TMEM276: variants seen among roughly 807,000 people sequenced by gnomAD.
TMEM276 encodes the protein transmembrane protein 276.
At chr8:144,466,287 C>G in the TMEM276 span, 1 of 227,492 alleles carries the variant, frequency 4.4e-6, no homozygotes. Flanking sequence ...CGCTCGCCTT[C>G]CAGCCGTGGG....
At chr8:144,464,057 C>A in the TMEM276 span, 10 of 1,553,258 alleles carry the variant, frequency 6.4e-6, no homozygotes. Flanking sequence ...AGGGAGAAGG[C>A]GCCAGGAGCA....
chr8:144,464,328 G>T, the TMEM276 span: 1 of 1,612,542 alleles, frequency 6.2e-7, no homozygotes, highest in Non-Finnish European at 8.5e-7. Flanking sequence ...CAATGAGGAT[G>T]GTCACTGCGA....
the TMEM276 span, chr8:144,464,145 C>T: frequency 5.6e-6 from 9 of 1,610,968 alleles, no homozygotes; most frequent in Non-Finnish European, 7.6e-6. Context: ...ACTGGAGGCG[C>T]TGTGTATGCA....
the TMEM276 span, chr8:144,465,219 A>G: frequency 8.3e-6 from 10 of 1,209,140 alleles, no homozygotes; most frequent in Non-Finnish European, 1.1e-5. Flanking sequence ...TGGGGAAGAG[A>G]GAGCGGCGAG....
the TMEM276 span, chr8:144,466,607 C>T: frequency 4.6e-6 from 4 of 861,886 alleles, no homozygotes; most frequent in South Asian, 9.2e-5. Context: ...GGGCACGGGG[C>T]GCGGGGCGAC....
chr8:144,465,238 G>A, the TMEM276 span: 3 of 1,152,922 alleles, frequency 2.6e-6, no homozygotes, highest in Admixed American at 6.9e-5. Context: ...AGGCGCTGCA[G>A]GCCCACGCGG....
At chr8:144,466,621 G>A in the TMEM276 span, 1 of 862,902 alleles carries the variant, frequency 1.2e-6, no homozygotes, top group Non-Finnish European at 1.6e-6. Flanking sequence ...GGGCGACGGG[G>A]CCGTGCCGAG....
At chr8:144,463,933 T>C in the TMEM276 span, 35 of 1,451,928 alleles carry the variant, frequency 2.4e-5, no homozygotes, top group Non-Finnish European at 3.1e-5. Flanking sequence ...CCCTGTCCCT[T>C]TCATTCTGGT....
chr8:144,464,982 G>C, the TMEM276 span: 2 of 1,563,128 alleles, frequency 1.3e-6, no homozygotes, highest in Admixed American at 1.9e-5. Context: ...AGAAGCCAGC[G>C]ACCTGGAGCC....
chr8:144,464,544 C>T, the TMEM276 span: 1 of 1,612,048 alleles, frequency 6.2e-7, no homozygotes, highest in Non-Finnish European at 8.5e-7. Flanking sequence ...GTGTGCTCAG[C>T]CCTGGGGCCA....
At chr8:144,466,921 G>C in the TMEM276 span, 3,271 of 1,573,730 alleles carry the variant, frequency 2.1e-3, 118 homozygotes, top group Admixed American at 0.051. Flanking sequence ...TCAAGCACGT[G>C]ACCCGAAATG....
the TMEM276 span, chr8:144,464,430 C>T: frequency 6.2e-7 from 1 of 1,612,276 alleles, no homozygotes; most frequent in East Asian, 2.2e-5. Context: ...CTCCCAGGAG[C>T]AGGTTGGCAG....
At chr8:144,464,685 G>A in the TMEM276 span, 26 of 1,573,854 alleles carry the variant, frequency 1.7e-5, no homozygotes, top group East Asian at 1.6e-4. Context: ...GAAAGGGTTT[G>A]GGGCTTCCAT....
chr8:144,466,024 GGGCGGGGCTGAGA>G, the TMEM276 span: 25 of 141,838 alleles, frequency 1.8e-4, no homozygotes, highest in African/African-American at 6.3e-4. Context: ...GGGCTGAGAT[GGGCGGGGCTGAGA>G]TGGGCGGGGC....
At chr8:144,465,043 G>T in the TMEM276 span, 1 of 1,533,008 alleles carries the variant, frequency 6.5e-7, no homozygotes. Context: ...ATTACTGGAT[G>T]TTAGGAGAAG....
At chr8:144,463,920 G>A in the TMEM276 span, 2 of 1,427,718 alleles carry the variant, frequency 1.4e-6, no homozygotes, top group South Asian at 3.1e-5. Flanking sequence ...AACGTGTCTG[G>A]GACCCTGTCC....
the TMEM276 span, chr8:144,466,997 G>C: frequency 6.3e-7 from 1 of 1,597,424 alleles, no homozygotes. Context: ...AGGCGCAGCC[G>C]AGGGCCGCGC....
At chr8:144,466,672 G>T in the TMEM276 span, 1 of 1,189,532 alleles carries the variant, frequency 8.4e-7, no homozygotes, top group Middle Eastern at 2.9e-4. Flanking sequence ...GTAGACTTCG[G>T]CCCCAATCCT....
the TMEM276 span, chr8:144,464,319 A>T: frequency 2.5e-6 from 4 of 1,612,908 alleles, no homozygotes; most frequent in Non-Finnish European, 3.4e-6. Context: ...AGACAGCTAC[A>T]ATGAGGATGG....
Sources: gnomAD v4.1 joint callset for allele counts on GRCh38, gnomAD v4.1.1 for gene constraint, MANE v1.5 for transcripts, NCBI Gene and HGNC (gene_info 2026-07-23, HGNC 2026-07-21) for gene names.